The following MECOM variants were observed in gnomAD, a reference collection of about 807,000 sequenced individuals.
MECOM encodes the protein histone-lysine N-methyltransferase MECOM.
MECOM carries 13 observed loss-of-function variants against 116.3 expected under a neutral mutation model. The observed-to-expected ratio is 0.11, with a 90% CI of 0.07 to 0.18. MECOM has a LOEUF of 0.18. MECOM is among the 10% of genes least tolerant of loss of function. The probability of loss-of-function intolerance (pLI) is 1.00; values close to 1 mark genes in which losing one functional copy is unlikely to be tolerated. For synonymous variants in MECOM, 528 were observed against 535.2 expected, an observed-to-expected ratio of 0.99 and a Z score of 0.19; for missense variants, 1,299 against 1,509.0, an observed-to-expected ratio of 0.86 and a Z score of 2.31.
chr3:169,338,172 T>A (rs1723889888), intron 2 of MECOM, among the ~76,000 whole-genome samples: 1 of 152,274 alleles, frequency 6.6e-6, no homozygotes, highest in South Asian at 2.1e-4. Flanking sequence ...AAACAAGCTG[T>A]TTCAACTGCC....
intron 2 of MECOM, among the ~76,000 whole-genome samples, chr3:169,324,417 A>G (rs987988705): frequency 1.8e-4 from 28 of 152,246 alleles, no homozygotes; most frequent in African/African-American, 5.1e-4. Flanking sequence ...TTTCAAACAC[A>G]CATGCTCTGC....
intron 2 of MECOM, among the ~76,000 whole-genome samples, chr3:169,219,365 G>C (rs1751818290): frequency 6.6e-6 from 1 of 152,174 alleles, no homozygotes; most frequent in Non-Finnish European, 1.5e-5. Context: ...AAATTAGCCA[G>C]GCGTGGTGGT....
Position 169,414,795 on chromosome 3 carries a change from T to C in MECOM, c.38-33271A>G, listed in dbSNP as rs529217521. On this transcript the variant is annotated intron_variant, in intron 1 of 16. Transcript: ENST00000651503. The stretch of plus-strand genomic sequence containing the variant: ...AAGAAAGGGTATCAGAGATTGAAGA[T>C]CAACTTAGTGAAATAAAGTGTGAAG... Among the ~76,000 whole-genome samples, 3 of 151,934 alleles carry C rather than the reference T, an allele frequency of 2.0e-5. No homozygotes were observed. The East Asian group carries it at 5.8e-4, about 30-fold the overall frequency.
At chr3:169,572,065 G>A (rs1164926668) in intron 1 of MECOM, among the ~76,000 whole-genome samples, 1 of 152,194 alleles carries the variant, frequency 6.6e-6, no homozygotes, top group African/African-American at 2.4e-5. Flanking sequence ...CCTACAGAAT[G>A]TGAGAACATT....
chr3:169,555,612 C>T (rs1403407559), intron 1 of MECOM, among the ~76,000 whole-genome samples: 2 of 152,194 alleles, frequency 1.3e-5, no homozygotes, highest in Non-Finnish European at 2.9e-5. Flanking sequence ...AAGGCCTGAA[C>T]ATCTTGAATG....
chr3:169,230,751 T>A (rs1339267940), intron 2 of MECOM, among the ~76,000 whole-genome samples: 2 of 152,114 alleles, frequency 1.3e-5, no homozygotes, highest in Non-Finnish European at 2.9e-5. Context: ...CCTACTTCAA[T>A]TTTTAAATTT....
chr3:169,240,172 T>C (rs1293936493), intron 2 of MECOM, among the ~76,000 whole-genome samples: 1 of 152,190 alleles, frequency 6.6e-6, no homozygotes, highest in Non-Finnish European at 1.5e-5. Context: ...TTTGAAAATA[T>C]TCTGAAGACC....
At chr3:169,091,251 G>A (rs1719625146) in intron 14 of MECOM, among the ~76,000 whole-genome samples, 2 of 151,934 alleles carry the variant, frequency 1.3e-5, no homozygotes, top group East Asian at 1.9e-4. Flanking sequence ...AGTAACAAAA[G>A]CCAACATAAT....
rs1560472236 is a variant in MECOM, at chr3:169,594,053, A to AGGCG, written c.37+69282_37+69283insCGCC. On this transcript the variant is annotated intron_variant, in intron 1 of 16. Coordinates refer to ENST00000651503, the MANE Select transcript of MECOM (RefSeq NM_004991.4). ...GGAGAATTGCTTGGACCCAGGAGGC[A>AGGCG]GAGGTTGCAGTGAGCCGAGATTGCA... 5.7e-3 allele frequency among the ~76,000 whole-genome samples: 859 copies of AGGCG among 150,388 alleles called. 10 individuals carry two copies. Among genetic ancestry groups the AGGCG allele is most frequent in the African/African-American group, 0.02 (800 of 40,796 alleles).
At chr3:169,638,344 T>A (rs1773063337) in intron 1 of MECOM, among the ~76,000 whole-genome samples, 1 of 152,220 alleles carries the variant, frequency 6.6e-6, no homozygotes, top group Non-Finnish European at 1.5e-5. Flanking sequence ...ATGTGGCCCC[T>A]TTGTGTGACC....
At chr3:169,445,431 A>G (rs111711440) in intron 1 of MECOM, among the ~76,000 whole-genome samples, 6,506 of 152,288 alleles carry the variant, frequency 0.043, 356 homozygotes, top group African/African-American at 0.13. Flanking sequence ...TCCAAGTGGC[A>G]TTGAGCCTGT....
At chr3:169,165,053 T>C (rs1221425834) in intron 2 of MECOM, among the ~76,000 whole-genome samples, 1 of 152,120 alleles carries the variant, frequency 6.6e-6, no homozygotes, top group Non-Finnish European at 1.5e-5. Context: ...TGAAAGTGAG[T>C]CTTAAGGTGG....
chr3:169,401,256 T>C (rs1437198358), intron 1 of MECOM, among the ~76,000 whole-genome samples: 1 of 152,108 alleles, frequency 6.6e-6, no homozygotes, highest in East Asian at 1.9e-4. Context: ...TTAAGCTAGG[T>C]TCCCCTACTC....
At chr3:169,583,366 C>T (rs961235085) in intron 1 of MECOM, among the ~76,000 whole-genome samples, 1 of 152,142 alleles carries the variant, frequency 6.6e-6, no homozygotes, top group African/African-American at 2.4e-5. Context: ...ATAAACTAAC[C>T]GCATTGCATC....
chr3:169,337,300 C>T (rs1723735479), intron 2 of MECOM, among the ~76,000 whole-genome samples: 1 of 152,100 alleles, frequency 6.6e-6, no homozygotes, highest in Non-Finnish European at 1.5e-5. Context: ...TACTGTAGGA[C>T]ATTTCTACAT....
intron 2 of MECOM, among the ~76,000 whole-genome samples, chr3:169,276,975 T>C (rs1458968500): frequency 6.7e-6 from 1 of 148,992 alleles, no homozygotes; most frequent in African/African-American, 2.5e-5. Flanking sequence ...CAAAAAGACA[T>C]ACAACATGAG....
chr3:169,100,872 A>T lies in MECOM; in HGVS notation c.2849+13T>A. 6.8e-7 allele frequency: 1 copy of T among 1,472,794 alleles called. No homozygotes were observed. The highest frequency in any genetic ancestry group is 2.4e-5 in the East Asian group (1 of 42,462). The allele number at this position is 1,472,794 out of a possible 1,614,324, so 91.2% of individuals were successfully genotyped here. ...ATATTTATCAAGATATTTAGCAAATATCATTGTCAGACCTGTAAGGCTGCT... is the reference window on the plus strand; with the variant it reads ...ATATTTATCAAGATATTTAGCAAATTTCATTGTCAGACCTGTAAGGCTGCT... On this transcript the variant is annotated intron_variant, in intron 12 of 16. Transcript: ENST00000651503.
chr3:169,389,881 G>C (rs1733955460), intron 1 of MECOM, among the ~76,000 whole-genome samples: 1 of 152,222 alleles, frequency 6.6e-6, no homozygotes, highest in African/African-American at 2.4e-5. Context: ...GAACACATTA[G>C]TTTAGGGCTG....
chr3:169,436,514 T>C (rs1301244288), intron 1 of MECOM, among the ~76,000 whole-genome samples: 1 of 152,108 alleles, frequency 6.6e-6, no homozygotes, highest in Admixed American at 6.5e-5. Flanking sequence ...CCTCCCAAAT[T>C]GCTGGGATAA....
Sources: gnomAD v4.1 joint callset for allele counts (sites outside exome capture counted in the v4.1 genomes callset) on GRCh38, gnomAD v4.1.1 for gene constraint, MANE v1.5 for transcripts, NCBI Gene and HGNC (gene_info 2026-07-23, HGNC 2026-07-21) for gene names.